The following KLRG2 variants were observed in gnomAD, a reference collection of about 807,000 sequenced individuals.
KLRG2 encodes killer cell lectin like receptor G2.
In KLRG2, 39 loss-of-function variants were observed where a neutral mutation model predicts 35.4. The ratio of observed to expected loss-of-function variants is 1.10; its 90% CI spans 0.85 to 1.44. KLRG2 has a LOEUF of 1.44. Among genes scored for constraint, KLRG2 ranks in the 40% most tolerant of loss-of-function variants. KLRG2 has a pLI of 0.00. For missense variants in KLRG2, 632 were observed against 570.9 expected, an observed-to-expected ratio of 1.11 and a Z score of -1.09; for synonymous variants, 283 against 265.8, an observed-to-expected ratio of 1.06 and a Z score of -0.63.
At chr7:139,453,977 C>G in intron 4 of KLRG2, 134 bp downstream of exon 4, 1 of 698,798 alleles carries the variant, frequency 1.4e-6, no homozygotes, top group Non-Finnish European at 2.5e-6. Context: ...TAATCAGGCA[C>G]CAGGCCGCGA....
At chr7:139,440,968 C>T in the KLRG2 span, among the ~76,000 whole-genome samples, 1 of 152,130 alleles carries the variant, frequency 6.6e-6, no homozygotes, top group Non-Finnish European at 1.5e-5. Context: ...TTGAGGCCGG[C>T]CATGGTGGCC....
the KLRG2 span, among the ~76,000 whole-genome samples, chr7:139,446,590 C>T: frequency 6.6e-6 from 1 of 152,066 alleles, no homozygotes; most frequent in East Asian, 1.9e-4. Flanking sequence ...ATCCGCCCTC[C>T]TCGGCCTCCC....
At chr7:139,467,894 G>T (rs954996547) in intron 3 of KLRG2, among the ~76,000 whole-genome samples, 8 of 152,136 alleles carry the variant, frequency 5.3e-5, no homozygotes, top group East Asian at 1.9e-4. Flanking sequence ...ACAAGAGGAA[G>T]GCATCTGTCT....
chr7:139,453,527 G>GC lies in KLRG2; in HGVS notation c.*59dup. On this transcript the variant is annotated 3_prime_UTR_variant, in exon 5 of 5. Transcript: ENST00000340940. ...AAGAGGCTGCCCAAGCTCTCAACTG[G>GC]CCTCCCCTGTAGGGGGTGCTGCATC... is the stretch of plus-strand genomic sequence containing the variant. The GC allele has an allele frequency of 6.5e-7, 1 of 1,537,796 alleles. No homozygotes were observed. Among genetic ancestry groups the GC allele is most frequent in the Non-Finnish European group, 8.8e-7 (1 of 1,140,308 alleles).
chr7:139,479,729 C>T lies in KLRG2; in HGVS notation c.903G>A (p.Glu301=), dbSNP rs769235977. 4.3e-6 allele frequency: 7 copies of T among 1,614,072 alleles called. No individual in the cohort carries two copies. The highest frequency in any genetic ancestry group is 5.1e-6 in the Non-Finnish European group (6 of 1,180,020). The change falls in exon 3 of 5, where the codon GAG becomes GAA. Residue 301 remains glutamate, a synonymous_variant. Coordinates refer to ENST00000340940, the MANE Select transcript of KLRG2 (RefSeq NM_198508.4). ...QQCPPGWVLS[E]EHCYYFSAEA... Reference sequence around the variant, plus strand: ...CTGCAGAGAAGTAGTAACAGTGCTCCTCGGACAACACCCAGCCTGGGGGGC... The same window carrying T: ...CTGCAGAGAAGTAGTAACAGTGCTCTTCGGACAACACCCAGCCTGGGGGGC...
At chr7:139,449,945 C>T (rs907349970), downstream of KLRG2, among the ~76,000 whole-genome samples, 1 of 151,984 alleles carries the variant, frequency 6.6e-6, no homozygotes, top group South Asian at 2.1e-4. Flanking sequence ...TTGTGATCCG[C>T]CCGCCTCGGC....
Position 139,454,135 on chromosome 7 carries a change from T to A in KLRG2, c.1085A>T (p.Asp362Val). 1 of 1,545,368 alleles carries A rather than the reference T, an allele frequency of 6.5e-7. No individual in the cohort carries two copies. Among genetic ancestry groups the A allele is most frequent in the Non-Finnish European group, 8.8e-7 (1 of 1,142,526 alleles). Residue 362 changes from aspartate to valine, a missense_variant, in exon 4 of 5, where the codon GAC becomes GTC. Physicochemically the swap from Asp to Val is radical, Grantham distance 152. Transcript: ENST00000340940. Reference protein sequence around the residue: ...WRGPQGWHWIDEAPLPPQLLP... With the variant: ...WRGPQGWHWIVEAPLPPQLLP... The stretch of plus-strand genomic sequence containing the variant: ...CAGCTGGGGCGGGAGTGGGGCCTCG[T>A]CGATCCAGTGCCAGCCCTGGGGGCC...
At position 139,453,549 on chromosome 7, in the gene KLRG2, C is replaced by A; in HGVS notation, c.*38G>T. 1.3e-6 allele frequency: 2 copies of A among 1,563,582 alleles called. No individual in the cohort carries two copies. The highest frequency in any genetic ancestry group is 1.7e-6 in the Non-Finnish European group (2 of 1,154,654). On this transcript the variant is annotated 3_prime_UTR_variant, in exon 5 of 5. Coordinates refer to ENST00000340940, the MANE Select transcript of KLRG2 (RefSeq NM_198508.4). ...CTGGCCTCCCCTGTAGGGGGTGCTG[C>A]ATCTGCCTGGCAGGCTGAGGACCAG...
intron 3 of KLRG2, among the ~76,000 whole-genome samples, chr7:139,478,069 T>TCCC (rs1352173812): frequency 1.4e-5 from 2 of 145,790 alleles, no homozygotes; most frequent in African/African-American, 5.0e-5. Flanking sequence ...ACAATTTTTT[T>TCCC]AAATGGGGAA....
Position 139,472,651 on chromosome 7 carries a change from C to T in KLRG2, c.1005+6976G>A, listed in dbSNP as rs190627789. ...CATCAACATTTTGGAAGCTGGACAA[C>T]TGTAACAGCCTCATAGAGCTGAGAA... On this transcript the variant is annotated intron_variant, in intron 3 of 4. Transcript: ENST00000340940. Among the ~76,000 whole-genome samples, 446 of 151,334 alleles carry T rather than the reference C, an allele frequency of 2.9e-3. 1 individual carries two copies. The highest frequency in any genetic ancestry group is 0.01 in the African/African-American group (420 of 41,318).
chr7:139,434,697 AGGG>A, the KLRG2 span, among the ~76,000 whole-genome samples: 1 of 152,236 alleles, frequency 6.6e-6, no homozygotes, highest in African/African-American at 2.4e-5. Context: ...GTGTTCTTAC[AGGG>A]GAAGTCAAAG....
chr7:139,457,298 G>A (rs1405678534), intron 3 of KLRG2, among the ~76,000 whole-genome samples: 1 of 152,086 alleles, frequency 6.6e-6, no homozygotes, highest in Non-Finnish European at 1.5e-5. Flanking sequence ...AGGGCTGAGC[G>A]GCCCAACACC....
At chr7:139,471,776 G>A (rs998331942) in intron 3 of KLRG2, among the ~76,000 whole-genome samples, 6 of 152,228 alleles carry the variant, frequency 3.9e-5, no homozygotes, top group Admixed American at 2.0e-4. Context: ...CAGGCAGCTG[G>A]CAGGACAGGC....
Position 139,480,791 on chromosome 7 carries a change from T to C in KLRG2, c.758-544A>G, listed in dbSNP as rs192869372. Among the ~76,000 whole-genome samples the C allele has an allele frequency of 4.6e-3, 643 of 140,262 alleles. 5 individuals carry two copies. The highest frequency in any genetic ancestry group is 0.017 in the African/African-American group (614 of 36,848). The allele number at this position is 140,262 out of a possible 152,430, so 92.0% of individuals were successfully genotyped here. ...GACTGAGTCTTTCTATCGCCCAGGC[T>C]GGAGTGCAGTGGCATGATCTCAGCT... On this transcript the variant is annotated intron_variant, in intron 1 of 4. Coordinates refer to ENST00000340940, the MANE Select transcript of KLRG2 (RefSeq NM_198508.4).
At chr7:139,455,179 C>T (rs1796449634) in intron 3 of KLRG2, among the ~76,000 whole-genome samples, 1 of 151,698 alleles carries the variant, frequency 6.6e-6, no homozygotes, top group African/African-American at 2.4e-5. Context: ...CCACCACACC[C>T]AGGTAATTTT....
chr7:139,480,327 ACCAGCATCTCACCCACCTCACC>A, intron 1 of KLRG2, 80 bp from the exon 2 acceptor site: 4 of 765,966 alleles, frequency 5.2e-6, no homozygotes, highest in Non-Finnish European at 9.3e-6. Context: ...GACACAGCAC[ACCAGCATCTCACCCACCTCACC>A]CCAGCACCCA....
intron 3 of KLRG2, among the ~76,000 whole-genome samples, chr7:139,456,858 G>T (rs1206008199): frequency 6.6e-6 from 1 of 152,176 alleles, no homozygotes; most frequent in Non-Finnish European, 1.5e-5. Flanking sequence ...CCAGGAGCTT[G>T]TCTTACTCAG....
Position 139,466,205 on chromosome 7 carries a change from A to G in KLRG2, c.1006-11991T>C, listed in dbSNP as rs189911814. 3.0e-3 allele frequency among the ~76,000 whole-genome samples: 456 copies of G among 152,230 alleles called. 3 individuals carry two copies. Among genetic ancestry groups the G allele is most frequent in the African/African-American group, 0.01 (433 of 41,542 alleles). On this transcript the variant is annotated intron_variant, in intron 3 of 4. Coordinates refer to ENST00000340940, the MANE Select transcript of KLRG2 (RefSeq NM_198508.4). ...TGCCCAGGACTGGCAAATTGACTTT[A>G]CTCACATGCCCCGGGTCAGAAAACT... is the stretch of plus-strand genomic sequence containing the variant.
chr7:139,461,336 C>G (rs1796563468), intron 3 of KLRG2, among the ~76,000 whole-genome samples: 1 of 152,108 alleles, frequency 6.6e-6, no homozygotes, highest in South Asian at 2.1e-4. Flanking sequence ...GCCTTTGGTG[C>G]AAATATCTTC....
Sources: allele counts gnomAD v4.1 joint callset (sites outside exome capture counted in the v4.1 genomes callset), GRCh38; gene constraint gnomAD v4.1.1; transcripts MANE v1.5; gene names NCBI Gene and HGNC (gene_info 2026-07-23, HGNC 2026-07-21).